NCKAP5: variants seen among roughly 807,000 people sequenced by gnomAD.
NCKAP5 encodes the protein NCK associated protein 5.
Under a neutral mutation model 167.0 loss-of-function variants are expected in NCKAP5, and 92 were observed. The ratio of observed to expected loss-of-function variants is 0.55; its 90% confidence interval spans 0.47 to 0.66. The LOEUF is 0.66. NCKAP5 is among the 30% of genes least tolerant of loss of function. NCKAP5 has a pLI of 0.00. For missense variants in NCKAP5, 2,378 were observed against 2,315.0 expected (o/e 1.03, Z -0.56); for synonymous variants, 891 against 877.4 (o/e 1.02, Z -0.27).
chr2:133,335,419 T>C (rs1228159816), intron 3 of NCKAP5, among the ~76,000 whole-genome samples: 2 of 152,186 alleles, frequency 1.3e-5, no homozygotes, highest in African/African-American at 4.8e-5. Flanking sequence ...TGCTTTCCTT[T>C]AGTTGGATAA....
chr2:133,185,174 C>T (rs761422603), intron 5 of NCKAP5, among the ~76,000 whole-genome samples: 13 of 152,082 alleles, frequency 8.5e-5, no homozygotes, highest in African/African-American at 2.7e-4. Context: ...CATTCTTCTG[C>T]GTATGGCTAG....
chr2:133,107,508 T>C (rs2081750210), intron 6 of NCKAP5, among the ~76,000 whole-genome samples: 1 of 152,220 alleles, frequency 6.6e-6, no homozygotes, highest in Non-Finnish European at 1.5e-5. Context: ...ATCCATATGT[T>C]CTTTTGCTGA....
chr2:132,765,335 G>A (rs1313255026), intron 16 of NCKAP5, among the ~76,000 whole-genome samples: 12 of 130,872 alleles, frequency 9.2e-5, no homozygotes, highest in African/African-American at 3.2e-4. Context: ...TTTTTGAGAC[G>A]GAGTTTCGCT....
chr2:133,313,407 C>T (rs536882312), intron 3 of NCKAP5, among the ~76,000 whole-genome samples: 19 of 152,218 alleles, frequency 1.2e-4, no homozygotes, highest in Middle Eastern at 6.8e-3. Flanking sequence ...AATAAATCTA[C>T]ACAAAAGTTA....
At chr2:132,845,448 C>G (rs1349551560) in intron 11 of NCKAP5, among the ~76,000 whole-genome samples, 1 of 152,066 alleles carries the variant, frequency 6.6e-6, no homozygotes, top group African/African-American at 2.4e-5. Context: ...GGTATTAACC[C>G]ATGTAAAATT....
intron 4 of NCKAP5, among the ~76,000 whole-genome samples, chr2:133,258,632 C>T: frequency 6.6e-6 from 1 of 151,866 alleles, no homozygotes; most frequent in African/African-American, 2.4e-5. Context: ...ATAGTCGCAG[C>T]TACTAGGGAG....
chr2:133,103,806 G>C (rs150471772), intron 6 of NCKAP5, among the ~76,000 whole-genome samples: 4 of 152,238 alleles, frequency 2.6e-5, no homozygotes, highest in African/African-American at 9.6e-5. Flanking sequence ...AATGAAAGCT[G>C]TTATTATTTT....
chr2:133,077,433 T>C (rs1573960267), intron 6 of NCKAP5, among the ~76,000 whole-genome samples: 1 of 152,196 alleles, frequency 6.6e-6, no homozygotes, highest in East Asian at 1.9e-4. Flanking sequence ...TCCGGTAGCT[T>C]AGATGCAGGC....
rs537702588 is a variant in NCKAP5 at position 132,730,796 on chromosome 2, T to C, written c.5443+941A>G. Among the ~76,000 whole-genome samples, 4 of 152,320 alleles carry C rather than the reference T, an allele frequency of 2.6e-5. No individual in the cohort carries two copies. In the East Asian group the frequency reaches 7.7e-4, roughly 29 times the overall value. ...ACATTTATCTCAAAAATAATATGCA[T>C]TACAGTCTTTAAAAATGTAGCCTTG... On this transcript the variant is annotated intron_variant, in intron 17 of 19. Transcript: ENST00000409261.
chr2:133,469,803 C>T (rs528292835), intron 3 of NCKAP5, among the ~76,000 whole-genome samples: 47 of 151,908 alleles, frequency 3.1e-4, no homozygotes, highest in South Asian at 1.7e-3. Context: ...TTGATCGCAT[C>T]GGCTCCTGAG....
rs548655627 is a variant in NCKAP5, at chr2:133,377,436, A to G, written c.70-74326T>C. ...AATGCTGCAGCAAATAATTTTGCCA[A>G]CAACCACACTTCCTAAACCTCATTA... On this transcript the variant is annotated intron_variant, in intron 3 of 19. Coordinates refer to ENST00000409261, the MANE Select transcript of NCKAP5 (RefSeq NM_207363.3). 7.2e-5 allele frequency among the ~76,000 whole-genome samples: 11 copies of G among 152,332 alleles called. No individual in the cohort carries two copies. The South Asian group carries it at 2.3e-3, about 32-fold the overall frequency.
At chr2:132,788,811 T>G (rs1037058610) in intron 13 of NCKAP5, among the ~76,000 whole-genome samples, 2 of 152,214 alleles carry the variant, frequency 1.3e-5, no homozygotes, top group African/African-American at 2.4e-5. Flanking sequence ...ATTCATATGA[T>G]ACAAGTTTAT....
intron 5 of NCKAP5, among the ~76,000 whole-genome samples, chr2:133,176,205 T>C (rs1022424480): frequency 6.6e-6 from 1 of 152,204 alleles, no homozygotes; most frequent in Non-Finnish European, 1.5e-5. Context: ...GCAGGTAATA[T>C]GGCAAATCAA....
intron 4 of NCKAP5, among the ~76,000 whole-genome samples, chr2:133,272,859 GT>G (rs2089576973): frequency 6.6e-6 from 1 of 152,056 alleles, no homozygotes. Context: ...TTCAAGTTTT[GT>G]CCATGTTGTA....
At chr2:133,207,903 T>C (rs1433580870) in intron 5 of NCKAP5, among the ~76,000 whole-genome samples, 2 of 152,214 alleles carry the variant, frequency 1.3e-5, no homozygotes, top group Admixed American at 1.3e-4. Flanking sequence ...ATATTTCCCA[T>C]GTCCATAAGT....
chr2:132,675,160 T>C (rs536142071), intron 19 of NCKAP5, among the ~76,000 whole-genome samples: 2 of 152,312 alleles, frequency 1.3e-5, no homozygotes, highest in African/African-American at 4.8e-5. Context: ...GAGAAGCTAC[T>C]GCAAGGCAGG....
chr2:133,072,806 T>C (rs10174856), intron 6 of NCKAP5, among the ~76,000 whole-genome samples: 56,711 of 151,958 alleles, frequency 0.37, 11,309 homozygotes, highest in East Asian at 0.59. Flanking sequence ...AAGTCACGTT[T>C]GAGAAACATT....
At chr2:133,129,863 T>TA (rs1253610186) in intron 6 of NCKAP5, 115 bp downstream of exon 6, 2 of 1,230,612 alleles carry the variant, frequency 1.6e-6, no homozygotes, top group Admixed American at 3.6e-5. Context: ...AAATGGTTGG[T>TA]AAATTAGCTC....
intron 8 of NCKAP5, among the ~76,000 whole-genome samples, chr2:132,916,856 C>A (rs1694920399): frequency 6.6e-6 from 1 of 150,524 alleles, no homozygotes; most frequent in African/African-American, 2.4e-5. Context: ...TAGAATAACC[C>A]AGTTTGTAGC....
Sources: gnomAD v4.1 joint callset for allele counts (sites outside exome capture counted in the v4.1 genomes callset) on GRCh38, gnomAD v4.1.1 for gene constraint, MANE v1.5 for transcripts, NCBI Gene and HGNC (gene_info 2026-07-23, HGNC 2026-07-21) for gene names.